Variants in TDRD1 observed in about 807,000 individuals in gnomAD.
TDRD1 encodes tudor domain-containing protein 1.
A neutral mutation model predicts 140.6 loss-of-function variants in TDRD1; 37 were observed. The observed-to-expected ratio is 0.26, with a 90% confidence interval of 0.20 to 0.35. The LOEUF is 0.35. Among genes scored for constraint, TDRD1 ranks in the 10% least tolerant of loss-of-function variants. TDRD1 has a pLI of 1.00. For missense variants in TDRD1, 1,243 were observed against 1,393.0 expected (o/e 0.89, Z 1.71); for synonymous variants, 506 against 475.7 (o/e 1.06, Z -0.83).
rs773473039 is a variant in TDRD1 at position 114,204,712 on chromosome 10, A to G, written c.1126-10A>G. 1.3e-6 allele frequency: 2 copies of G among 1,564,626 alleles called. No individual in the cohort carries two copies. Among genetic ancestry groups the G allele is most frequent in the Admixed American group, 4.3e-5 (2 of 46,444 alleles). On this transcript the variant is annotated splice_polypyrimidine_tract_variant and intron_variant, in intron 9 of 25. Transcript: ENST00000251864. ...TAATTTTTGTAAGTAACCTGCGTAA[A>G]ATTTTTCAGGCCATAAAGTGCTTTG...
chr10:114,191,011 G>A, exon 3 of TDRD1: 2 of 1,613,806 alleles, frequency 1.2e-6, no homozygotes, highest in Non-Finnish European at 1.7e-6. Context: ...ACCCAAAGAA[G>A]TGAATATTGT....
At chr10:114,176,359 A>C (rs950996650), upstream of TDRD1, among the ~76,000 whole-genome samples, 1 of 151,968 alleles carries the variant, frequency 6.6e-6, no homozygotes, top group Non-Finnish European at 1.5e-5. The surrounding 1 kb of genome is among the most constrained non-coding windows in gnomAD (Gnocchi z 4.2). Context: ...TTAAAGAGAA[A>C]CCCCTTTTTA....
rs145193761 is a variant in TDRD1 at position 114,219,850 on chromosome 10, C to G, written c.2495-718C>G. Among the ~76,000 whole-genome samples the G allele has an allele frequency of 3.6e-3, 551 of 152,308 alleles. 7 individuals are homozygous for G. The highest frequency in any genetic ancestry group is 0.012 in the African/African-American group (514 of 41,568). ...CAGGTGATCCACCTGCCTCCACCTC[C>G]CAAAGTGCTGGGATTACAGGCATGA... is the stretch of plus-strand genomic sequence containing the variant. On this transcript the variant is annotated intron_variant, in intron 18 of 25. Transcript: ENST00000251864.
Position 114,221,329 on chromosome 10 carries a change from G to A in TDRD1, c.2771-28G>A, listed in dbSNP as rs1288732560. The A allele has an allele frequency of 1.9e-6, 3 of 1,607,234 alleles. No homozygotes were observed. The African/African-American group carries it at 4.0e-5, about 22-fold the overall frequency. Reference sequence around the variant, plus strand: ...CAACAGTACATTTTTTTTATTCCGTGTGAGACCTGTGTTTTGTATGTTTCC... The same window carrying A: ...CAACAGTACATTTTTTTTATTCCGTATGAGACCTGTGTTTTGTATGTTTCC... On this transcript the variant is annotated intron_variant, in intron 19 of 25. Transcript: ENST00000251864.
intron 19 of TDRD1, 89 bp downstream of exon 19, chr10:114,220,932 T>C (rs899942272): frequency 9.4e-6 from 8 of 850,086 alleles, no homozygotes; most frequent in Non-Finnish European, 1.3e-5. Context: ...ATGACAGTTT[T>C]CCTGTAGAGA....
At chr10:114,224,827 GT>G (rs969297169) in intron 21 of TDRD1, among the ~76,000 whole-genome samples, 3 of 152,160 alleles carry the variant, frequency 2.0e-5, no homozygotes, top group African/African-American at 7.2e-5. Flanking sequence ...CTAAGGTCCT[GT>G]TTTGTTTTGG....
chr10:114,199,062 G>A (rs2034556841), intron 3 of TDRD1, 111 bp from the exon 4 acceptor site: 2 of 1,194,126 alleles, frequency 1.7e-6, no homozygotes, highest in South Asian at 3.2e-5. Flanking sequence ...TTAATAGGAG[G>A]AATAAGGAAA....
exon 15 of TDRD1, chr10:114,213,494 T>A: frequency 6.2e-7 from 1 of 1,613,988 alleles, no homozygotes; most frequent in African/African-American, 1.3e-5. Context: ...AGACGCCTCA[T>A]GTCAGTGTTA....
intron 3 of TDRD1, among the ~76,000 whole-genome samples, chr10:114,197,087 T>C (rs2034416603): frequency 6.6e-6 from 1 of 151,942 alleles, no homozygotes; most frequent in Non-Finnish European, 1.5e-5. Context: ...CCTCAGGTGA[T>C]CCCACCTGCC....
chr10:114,210,782 T>C, intron 12 of TDRD1, 34 bp downstream of exon 12: 1 of 1,611,020 alleles, frequency 6.2e-7, no homozygotes, highest in Non-Finnish European at 8.5e-7. Context: ...TCTATGAAGC[T>C]AAAATACTTC....
At chr10:114,224,112 A>C (rs531984117) in intron 21 of TDRD1, among the ~76,000 whole-genome samples, 1 of 152,330 alleles carries the variant, frequency 6.6e-6, no homozygotes, top group East Asian at 1.9e-4. Flanking sequence ...AAGCTGAGAA[A>C]AGGTGCATGT....
chr10:114,194,057 G>A (rs1021090817), intron 3 of TDRD1, among the ~76,000 whole-genome samples: 5 of 152,138 alleles, frequency 3.3e-5, no homozygotes, highest in Admixed American at 1.3e-4. Flanking sequence ...CCACTTGGTC[G>A]TGATATACAA....
intron 3 of TDRD1, among the ~76,000 whole-genome samples, chr10:114,193,139 A>G (rs1191063620): frequency 2.0e-5 from 3 of 151,938 alleles, no homozygotes; most frequent in Non-Finnish European, 4.4e-5. Context: ...TACATATCCT[A>G]TGCATGTTTT....
chr10:114,208,835 G>A (rs1478581472), intron 11 of TDRD1, among the ~76,000 whole-genome samples: 1 of 150,110 alleles, frequency 6.7e-6, no homozygotes, highest in Non-Finnish European at 1.5e-5. Flanking sequence ...GTGCAGTGCT[G>A]TGATCTCAGC....
At chr10:114,178,806 T>C (rs917428660), upstream of TDRD1, among the ~76,000 whole-genome samples, 4 of 145,466 alleles carry the variant, frequency 2.7e-5, no homozygotes, top group East Asian at 4.1e-4. Context: ...ATTGATAAGG[T>C]AGAAACTAGA....
intron 1 of TDRD1, among the ~76,000 whole-genome samples, chr10:114,180,284 G>A (rs1038461257): frequency 1.3e-5 from 2 of 152,120 alleles, no homozygotes; most frequent in African/African-American, 4.8e-5. Context: ...TTTAATTCTC[G>A]TGATTAGGAT....
At chr10:114,224,320 T>A (rs1006171116) in intron 21 of TDRD1, among the ~76,000 whole-genome samples, 1 of 152,234 alleles carries the variant, frequency 6.6e-6, no homozygotes, top group Admixed American at 6.5e-5. Context: ...AAACTTTGTA[T>A]GTTTTTTCCG....
chr10:114,187,836 G>A (rs763758347), exon 2 of TDRD1: 7 of 1,584,810 alleles, frequency 4.4e-6, no homozygotes, highest in Non-Finnish European at 6.0e-6. Flanking sequence ...GCCTCGATGA[G>A]TGTTAAATCG....
chr10:114,191,967 TTGA>T (rs1021026201), intron 3 of TDRD1, among the ~76,000 whole-genome samples: 7 of 152,208 alleles, frequency 4.6e-5, no homozygotes, highest in Non-Finnish European at 8.8e-5. Context: ...TCCCTCACGA[TTGA>T]TGATGATAAA....
Sources: allele counts gnomAD v4.1 joint callset (sites outside exome capture counted in the v4.1 genomes callset), GRCh38; gene constraint gnomAD v4.1.1; non-coding constraint Gnocchi (gnomAD v3.1); transcripts MANE v1.5; gene names NCBI Gene and HGNC (gene_info 2026-07-23, HGNC 2026-07-21).